The following DDAH1 variants were observed in gnomAD, a reference collection of about 807,000 sequenced individuals.
DDAH1 encodes the protein N(G),N(G)-dimethylarginine dimethylaminohydrolase 1.
DDAH1 carries 19 observed loss-of-function variants against 28.8 expected under a neutral mutation model. The observed-to-expected ratio is 0.66, with a 90% CI of 0.46 to 0.97. DDAH1 has a LOEUF of 0.97. Among genes scored for constraint, DDAH1 ranks in the 50% least tolerant of loss-of-function variants. The pLI, the probability that DDAH1 is intolerant of heterozygous loss-of-function variation, is 0.00. For synonymous variants in DDAH1, 153 were observed against 154.4 expected (o/e 0.99, Z 0.07); for missense variants, 326 against 375.9 (o/e 0.87, Z 1.10).
At chr1:85,528,831 G>A (rs2100771232) in intron 1 of DDAH1, among the ~76,000 whole-genome samples, 1 of 151,984 alleles carries the variant, frequency 6.6e-6, no homozygotes, top group Middle Eastern at 3.4e-3. Context: ...AAAATTAGCT[G>A]GGCATGGTGG....
intron 1 of DDAH1, among the ~76,000 whole-genome samples, chr1:85,535,016 CT>C (rs5775855): frequency 0.052 from 7,627 of 147,222 alleles, 297 homozygotes; most frequent in African/African-American, 0.11. Flanking sequence ...CTTAGCAATT[CT>C]TTTTTTTTTT....
intron 1 of DDAH1, among the ~76,000 whole-genome samples, chr1:85,393,412 T>C (rs1651658899): frequency 6.6e-6 from 1 of 152,208 alleles, no homozygotes; most frequent in Admixed American, 6.5e-5. Context: ...TCCTATTCAT[T>C]AGAGGGCTCT....
chr1:85,352,801 T>C (rs1649288865), intron 2 of DDAH1, among the ~76,000 whole-genome samples: 1 of 152,222 alleles, frequency 6.6e-6, no homozygotes, highest in Admixed American at 6.5e-5. Flanking sequence ...AAAAATGGTT[T>C]TGTTATATGT....
intron 1 of DDAH1, among the ~76,000 whole-genome samples, chr1:85,383,177 A>T (rs1174518461): frequency 6.6e-6 from 1 of 152,258 alleles, no homozygotes; most frequent in Non-Finnish European, 1.5e-5. Flanking sequence ...CCTTTTGGAA[A>T]GGATTAATCA....
At chr1:85,368,999 A>G (rs192364155) in intron 1 of DDAH1, among the ~76,000 whole-genome samples, 1 of 150,830 alleles carries the variant, frequency 6.6e-6, no homozygotes, top group Admixed American at 6.6e-5. Context: ...GCCCAAATGT[A>G]GGTCCTGGCT....
At chr1:85,332,667 T>C (rs569891156) in intron 4 of DDAH1, among the ~76,000 whole-genome samples, 1 of 152,092 alleles carries the variant, frequency 6.6e-6, no homozygotes, top group Non-Finnish European at 1.5e-5. Context: ...CCCCTCCCCA[T>C]TGGTTGACCC....
intron 1 of DDAH1, among the ~76,000 whole-genome samples, chr1:85,566,912 G>T (rs975347782): frequency 1.5e-4 from 23 of 152,216 alleles, no homozygotes; most frequent in Non-Finnish European, 3.1e-4. Flanking sequence ...AGACCTAGGG[G>T]AGCTGATGGT....
intron 4 of DDAH1, among the ~76,000 whole-genome samples, chr1:85,331,955 T>A (rs1242643586): frequency 6.6e-6 from 1 of 151,942 alleles, no homozygotes; most frequent in Non-Finnish European, 1.5e-5. Flanking sequence ...CCAGAGAGGG[T>A]CCCTAGTGAG....
upstream of DDAH1, among the ~76,000 whole-genome samples, chr1:85,469,621 C>A (rs748248688): frequency 6.6e-6 from 1 of 152,172 alleles, no homozygotes; most frequent in Non-Finnish European, 1.5e-5. Flanking sequence ...CCAAAACACA[C>A]GTACACATTC....
At chr1:85,410,750 G>A (rs771729552) in intron 1 of DDAH1, among the ~76,000 whole-genome samples, 18 of 152,158 alleles carry the variant, frequency 1.2e-4, no homozygotes, top group Admixed American at 5.2e-4. Flanking sequence ...AGATGACTTT[G>A]TAGTAGTTGG....
Position 85,480,716 on chromosome 1 carries a change from C to A in DDAH1, c.-7+15450G>T, listed in dbSNP as rs1262319781. ...CCAAGACTGTGCCACAGCACTCCAA[C>A]CTGGGCGATAGAGCAAGACTCTGTC... On this transcript the variant is annotated intron_variant, in intron 2 of 6. Coordinates refer to the DDAH1 transcript ENST00000426972. 2.6e-5 allele frequency among the ~76,000 whole-genome samples: 4 copies of A among 151,930 alleles called. No homozygotes were observed. In the East Asian group the frequency reaches 7.7e-4, roughly 29 times the overall value.
At chr1:85,429,273 T>A (rs979614655) in intron 1 of DDAH1, among the ~76,000 whole-genome samples, 2 of 152,112 alleles carry the variant, frequency 1.3e-5, no homozygotes, top group African/African-American at 2.4e-5. Flanking sequence ...GTGTATGGTT[T>A]TCTGTTCCTG....
chr1:85,464,743 C>T lies in DDAH1; in HGVS notation c.303G>A (p.Glu101=). The part of the protein sequence containing the change: ...TRPGAPSRRK[E]VDMMKEALEK... ...CCGCGCCCCTCGAGTCGGCAGTTAC[C>T]TCCTTCCTCCGGCTCGGCGCCCCGG... Residue 101 remains glutamate, a splice_region_variant and synonymous_variant, in exon 1 of 6, where the codon GAG becomes GAA. Transcript: ENST00000284031. The surrounding 1 kb of genome is among the most constrained non-coding windows in gnomAD (Gnocchi z 4.4). 6.5e-7 allele frequency: 1 copy of T among 1,533,054 alleles called. No homozygotes were observed. Among genetic ancestry groups the T allele is most frequent in the Non-Finnish European group, 8.7e-7 (1 of 1,146,494 alleles). 95.0% of individuals were successfully genotyped at this position (1,533,054 alleles called of 1,614,324 possible). A position where few individuals can be genotyped will look rare whatever the true frequency, so the allele number is the denominator to read the frequency against.
chr1:85,499,497 A>T (rs2100737288), intron 1 of DDAH1, among the ~76,000 whole-genome samples: 1 of 152,204 alleles, frequency 6.6e-6, no homozygotes, highest in East Asian at 1.9e-4. Context: ...ATATGTTGAA[A>T]CTCCATCTCT....
intron 1 of DDAH1, among the ~76,000 whole-genome samples, chr1:85,445,210 C>T (rs12049529): frequency 6.6e-6 from 1 of 152,010 alleles, no homozygotes; most frequent in Admixed American, 6.6e-5. Flanking sequence ...CACCCAGGAT[C>T]AATACTTTGT....
intron 2 of DDAH1, among the ~76,000 whole-genome samples, chr1:85,487,969 AG>A (rs777387226): frequency 4.6e-5 from 7 of 152,106 alleles, no homozygotes; most frequent in Non-Finnish European, 1.0e-4. Context: ...AGATCACTGG[AG>A]GTCAGGAGTT....
intron 1 of DDAH1, among the ~76,000 whole-genome samples, chr1:85,405,511 A>T (rs1489573545): frequency 6.6e-6 from 1 of 152,184 alleles, no homozygotes; most frequent in Non-Finnish European, 1.5e-5. Flanking sequence ...CTGTAAGCTT[A>T]AAGTCTTAAA....
At chr1:85,415,617 A>AAAAAAAAAGG (rs1652856088) in intron 1 of DDAH1, among the ~76,000 whole-genome samples, 2 of 152,230 alleles carry the variant, frequency 1.3e-5, no homozygotes, top group African/African-American at 4.8e-5. Context: ...AAACATAAAA[A>AAAAAAAAAGG]GTATGATTCT....
intron 1 of DDAH1, among the ~76,000 whole-genome samples, chr1:85,422,083 C>T (rs1653168147): frequency 7.4e-6 from 1 of 134,908 alleles, no homozygotes; most frequent in African/African-American, 2.9e-5. Flanking sequence ...TTGATATTGT[C>T]AGTTTTTTAA....
Sources: allele counts gnomAD v4.1 joint callset (sites outside exome capture counted in the v4.1 genomes callset), GRCh38; gene constraint gnomAD v4.1.1; non-coding constraint Gnocchi (gnomAD v3.1); transcripts MANE v1.5; gene names NCBI Gene and HGNC (gene_info 2026-07-23, HGNC 2026-07-21).